MYO3B: variants seen among roughly 807,000 people sequenced by gnomAD.
MYO3B encodes the protein myosin-IIIb.
A neutral mutation model predicts 174.6 loss-of-function variants in MYO3B; 156 were observed. The ratio of observed to expected loss-of-function variants is 0.89; its 90% CI spans 0.78 to 1.02. MYO3B has a LOEUF of 1.02. Among genes scored for constraint, MYO3B ranks in the 50% least tolerant of loss-of-function variants. The pLI is 0.00. For synonymous variants in MYO3B, 563 were observed against 569.1 expected, an observed-to-expected ratio of 0.99 and a Z score of 0.15; for missense variants, 1,632 against 1,639.4, an observed-to-expected ratio of 1.00 and a Z score of 0.08.
rs77066872 is a variant in MYO3B at position 170,467,543 on chromosome 2, C to T, written c.3014+832C>T. 8.2e-3 allele frequency among the ~76,000 whole-genome samples: 1,252 copies of T among 151,888 alleles called. 21 individuals carry two copies. Among genetic ancestry groups the T allele is most frequent in the African/African-American group, 0.029 (1,183 of 41,426 alleles). ...GAAAACAGTAACAAAAAAAAAACAC[C>T]CCTGAGAAGCACTGCTGTCTGAGGA... On this transcript the variant is annotated intron_variant, in intron 25 of 34. Coordinates refer to ENST00000408978, the MANE Select transcript of MYO3B (RefSeq NM_138995.5).
intron 32 of MYO3B, among the ~76,000 whole-genome samples, chr2:170,622,580 T>TTTA (rs201694505): frequency 6.6e-6 from 1 of 151,998 alleles, no homozygotes; most frequent in South Asian, 2.1e-4. Flanking sequence ...TACATTTTTT[T>TTTA]TTATTATTAT....
At chr2:170,508,228 T>C (rs1687743107) in intron 28 of MYO3B, among the ~76,000 whole-genome samples, 1 of 152,154 alleles carries the variant, frequency 6.6e-6, no homozygotes, top group Non-Finnish European at 1.5e-5. Flanking sequence ...CATTCCAGAG[T>C]CTAGCTGCAA....
chr2:170,554,173 T>C (rs1386111753), intron 32 of MYO3B, among the ~76,000 whole-genome samples: 1 of 152,230 alleles, frequency 6.6e-6, no homozygotes, highest in East Asian at 1.9e-4. Flanking sequence ...TGCTTTGTTT[T>C]GTAATTTTGA....
At chr2:170,379,193 A>AGTT (rs1558941027) in intron 9 of MYO3B, among the ~76,000 whole-genome samples, 2 of 134,634 alleles carry the variant, frequency 1.5e-5, no homozygotes, top group Non-Finnish European at 3.2e-5. Context: ...AATGTGGTAC[A>AGTT]ATTTTTTTTT....
intron 23 of MYO3B, among the ~76,000 whole-genome samples, chr2:170,452,969 C>T (rs1683685534): frequency 6.6e-6 from 1 of 152,130 alleles, no homozygotes; most frequent in Admixed American, 6.5e-5. Context: ...ATTGTTCTTC[C>T]CAAAAGAGGC....
intron 7 of MYO3B, among the ~76,000 whole-genome samples, chr2:170,330,357 C>T (rs1025851939): frequency 4.6e-5 from 7 of 152,042 alleles, no homozygotes; most frequent in East Asian, 1.9e-4. Flanking sequence ...GGACTCTTCA[C>T]GAGATAAAAT....
Position 170,652,114 on chromosome 2 carries a change from C to A in MYO3B, c.3847C>A (p.Leu1283Ile). 1.2e-6 allele frequency: 2 copies of A among 1,613,894 alleles called. No homozygotes were observed. Among genetic ancestry groups the A allele is most frequent in the Non-Finnish European group, 1.7e-6 (2 of 1,179,958 alleles). Residue 1283 changes from leucine to isoleucine, a missense_variant, in exon 34 of 35, where the codon CTA becomes ATA. By Grantham distance (5) the Leu-to-Ile change is conservative (BLOSUM62 2). Coordinates refer to ENST00000408978, the MANE Select transcript of MYO3B (RefSeq NM_138995.5). Reference protein sequence around the residue: ...TMYYNQLNGTLEYQGSKRKPR... With the variant: ...TMYYNQLNGTIEYQGSKRKPR... ...TTCTTGGCCCTCTCCACAGGGAACTCTAGAATATCAAGGGAGCAAGAGGAA... is the reference window on the plus strand; with the variant it reads ...TTCTTGGCCCTCTCCACAGGGAACTATAGAATATCAAGGGAGCAAGAGGAA...
intron 32 of MYO3B, among the ~76,000 whole-genome samples, chr2:170,580,592 C>T (rs1344264998): frequency 2.6e-5 from 4 of 152,038 alleles, no homozygotes; most frequent in Admixed American, 6.6e-5. Flanking sequence ...GAGCTGAGAT[C>T]GCACCACTGC....
chr2:170,609,741 A>G (rs886610208), intron 32 of MYO3B, among the ~76,000 whole-genome samples: 4 of 152,210 alleles, frequency 2.6e-5, no homozygotes, highest in African/African-American at 4.8e-5. Context: ...GCCTATATCC[A>G]TGAAGTAGAA....
chr2:170,243,617 A>G (rs2093160088), intron 7 of MYO3B, among the ~76,000 whole-genome samples: 1 of 152,212 alleles, frequency 6.6e-6, no homozygotes, highest in Non-Finnish European at 1.5e-5. Flanking sequence ...GAGTTAAAGA[A>G]TGTAAATTGG....
intron 28 of MYO3B, among the ~76,000 whole-genome samples, chr2:170,509,618 T>C (rs1190510303): frequency 6.6e-6 from 1 of 152,186 alleles, no homozygotes; most frequent in Non-Finnish European, 1.5e-5. Flanking sequence ...CTTGATTCAT[T>C]TGTGTATATA....
chr2:170,460,227 C>A (rs1204169060), intron 23 of MYO3B, among the ~76,000 whole-genome samples: 1 of 152,070 alleles, frequency 6.6e-6, no homozygotes, highest in African/African-American at 2.4e-5. Context: ...TGGTGGCTCA[C>A]GCCTGTAAAC....
intron 6 of MYO3B, among the ~76,000 whole-genome samples, chr2:170,234,170 C>CA (rs71006078): frequency 0.52 from 25,172 of 48,520 alleles, 5,072 homozygotes; most frequent in East Asian, 0.65. Flanking sequence ...GACTCCGTCT[C>CA]AAAAAAAAAA....
chr2:170,558,967 C>G (rs183506481), intron 32 of MYO3B, among the ~76,000 whole-genome samples: 13 of 152,318 alleles, frequency 8.5e-5, no homozygotes, highest in Admixed American at 7.8e-4. Flanking sequence ...GTAGTAAGCA[C>G]TCAACAAAAA....
chr2:170,276,828 G>GT (rs1034501905), intron 7 of MYO3B, among the ~76,000 whole-genome samples: 50 of 152,060 alleles, frequency 3.3e-4, no homozygotes, highest in South Asian at 1.5e-3. Flanking sequence ...TAAAGCAACT[G>GT]TTTTTTTGCT....
chr2:170,450,256 T>G (rs996813358), intron 23 of MYO3B, among the ~76,000 whole-genome samples: 58 of 152,228 alleles, frequency 3.8e-4, no homozygotes, highest in Non-Finnish European at 7.3e-5. Context: ...GATTTTTATA[T>G]AAGAAAGCAA....
rs536223269 is a variant in MYO3B, at chr2:170,626,057, A to T, written c.3734-25571A>T. The stretch of plus-strand genomic sequence containing the variant: ...TGATTTGGGGTGGAAAGTTCTGTAG[A>T]TGTCTATTATGTCTGCTTGGAGCAG... On this transcript the variant is annotated intron_variant, in intron 32 of 34. Transcript: ENST00000408978. Among the ~76,000 whole-genome samples the T allele has an allele frequency of 2.6e-5, 4 of 152,294 alleles. No individual in the cohort carries two copies. The South Asian group carries it at 8.3e-4, about 32-fold the overall frequency.
chr2:170,513,460 GTC>G (rs1233140882), intron 28 of MYO3B, among the ~76,000 whole-genome samples: 2 of 152,192 alleles, frequency 1.3e-5, no homozygotes, highest in East Asian at 1.9e-4. Flanking sequence ...TTCTCACTGA[GTC>G]TCTCTGTGTC....
Position 170,284,552 on chromosome 2 carries a change from G to A in MYO3B, c.749+48416G>A, listed in dbSNP as rs374362457. On this transcript the variant is annotated intron_variant, in intron 7 of 34. Coordinates refer to ENST00000408978, the MANE Select transcript of MYO3B (RefSeq NM_138995.5). ...TTTGGTGAATGATGGGGAAAATAGG[G>A]AGAAAAGGAAAGGGAGCGAATGAAA... Among the ~76,000 whole-genome samples the A allele has an allele frequency of 4.6e-5, 7 of 152,202 alleles. 1 individual carries two copies. Among genetic ancestry groups the A allele is most frequent in the African/African-American group, 1.7e-4 (7 of 41,542 alleles).
Sources: gnomAD v4.1 joint callset for allele counts (sites outside exome capture counted in the v4.1 genomes callset) on GRCh38, gnomAD v4.1.1 for gene constraint, MANE v1.5 for transcripts, NCBI Gene and HGNC (gene_info 2026-07-23, HGNC 2026-07-21) for gene names.